The following NIPBL variants were observed in gnomAD, a reference collection of about 807,000 sequenced individuals.
NIPBL encodes the protein nipped-B-like protein.
A neutral mutation model predicts 321.8 loss-of-function variants in NIPBL; 19 were observed. That is an observed-to-expected ratio of 0.06 (90% CI 0.04 to 0.09). The LOEUF (loss-of-function observed/expected upper bound fraction) is 0.09. Ranked by LOEUF, NIPBL falls within the 10% of genes least tolerant of loss-of-function variation. The pLI is 1.00. For missense variants in NIPBL, 2,210 were observed against 3,327.0 expected, an observed-to-expected ratio of 0.66 and a Z score of 8.26; for synonymous variants, 1,106 against 1,114.1, an observed-to-expected ratio of 0.99 and a Z score of 0.14.
At chr5:36,924,125 A>G (rs534616850) in intron 1 of NIPBL, among the ~76,000 whole-genome samples, 123 of 152,324 alleles carry the variant, frequency 8.1e-4, no homozygotes, top group Middle Eastern at 3.4e-3. Context: ...ATAGAACTCA[A>G]TGAATATAGC....
At chr5:37,030,194 G>C (rs1750814474) in intron 32 of NIPBL, among the ~76,000 whole-genome samples, 1 of 152,088 alleles carries the variant, frequency 6.6e-6, no homozygotes, top group Non-Finnish European at 1.5e-5. Flanking sequence ...TACATTCTTT[G>C]TATCTTTATT....
intron 1 of NIPBL, among the ~76,000 whole-genome samples, chr5:36,891,623 C>T (rs1276480178): frequency 6.6e-6 from 1 of 152,126 alleles, no homozygotes; most frequent in African/African-American, 2.4e-5. Flanking sequence ...AGGTCTGAAG[C>T]TACAGAGAGG....
intron 34 of NIPBL, among the ~76,000 whole-genome samples, chr5:37,040,260 A>G (rs533892859): frequency 6.6e-6 from 1 of 152,296 alleles, no homozygotes; most frequent in African/African-American, 2.4e-5. Flanking sequence ...TATGTACACA[A>G]ATATAAAGTT....
chr5:37,046,367 T>C (rs1473218467), intron 38 of NIPBL, among the ~76,000 whole-genome samples, 168 bp downstream of exon 38: 1 of 152,242 alleles, frequency 6.6e-6, no homozygotes, highest in African/African-American at 2.4e-5. Context: ...TGCATTCTTG[T>C]CATGGCCATT....
chr5:36,947,197 T>C (rs1244784073), intron 1 of NIPBL, among the ~76,000 whole-genome samples: 2 of 152,116 alleles, frequency 1.3e-5, no homozygotes, highest in East Asian at 3.8e-4. Flanking sequence ...GTAACTGTTA[T>C]CAACCCTCAA....
In NIPBL at chr5:36,883,000, A is replaced by G. The variant is rs560504389; in HGVS notation, c.-80+5822A>G. On this transcript the variant is annotated intron_variant, in intron 1 of 46. Coordinates refer to ENST00000282516, the MANE Select transcript of NIPBL (RefSeq NM_133433.4). The stretch of plus-strand genomic sequence containing the variant: ...TTTAAATGCAGGTACTGTGGAATAT[A>G]TTAAATGTAGGTATCTGTGGAATAA... Among the ~76,000 whole-genome samples the G allele has an allele frequency of 3.0e-4, 46 of 152,036 alleles. 1 individual carries two copies. The South Asian group carries it at 9.5e-3, about 32-fold the overall frequency.
chr5:37,062,574 T>C (rs1754849210), intron 45 of NIPBL, among the ~76,000 whole-genome samples: 1 of 151,536 alleles, frequency 6.6e-6, no homozygotes, highest in Non-Finnish European at 1.5e-5. Context: ...GCTCTGGAAA[T>C]GGACAGTGGT....
rs745426441 is a variant in NIPBL, at chr5:36,985,968, A to G, written c.2788A>G (p.Thr930Ala). The G allele has an allele frequency of 6.2e-7, 1 of 1,613,986 alleles. No individual in the cohort carries two copies. Among genetic ancestry groups the G allele is most frequent in the South Asian group, 1.1e-5 (1 of 91,082 alleles). Residue 930 changes from threonine (T) to alanine (A), a missense_variant, in exon 10 of 47, where the codon ACT becomes GCT. Thr to Ala is a moderately conservative substitution (Grantham distance 58, BLOSUM62 0). This residue lies in a region of NIPBL where 588 missense variants were observed against 564.1 expected (regional missense o/e 1.04). Coordinates refer to ENST00000282516, the MANE Select transcript of NIPBL (RefSeq NM_133433.4). ...RTEGNKSKVD[T>A]NKAHPDNKAE... ...AGAGGGTAACAAGAGTAAAGTAGAC[A>G]CTAATAAAGCACACCCTGACAATAA...
chr5:36,940,379 A>G (rs1241162177), intron 1 of NIPBL, among the ~76,000 whole-genome samples: 2 of 152,150 alleles, frequency 1.3e-5, no homozygotes, highest in African/African-American at 4.8e-5. Context: ...CTTGTCTGTC[A>G]GGTCAGGAAT....
chr5:36,948,840 G>C (rs780972234), intron 1 of NIPBL, among the ~76,000 whole-genome samples: 112 of 151,792 alleles, frequency 7.4e-4, no homozygotes, highest in Non-Finnish European at 1.1e-3. Flanking sequence ...ATAAAGTAAG[G>C]ATCCTAACTC....
In NIPBL at chr5:37,017,065, C is replaced by T; in HGVS notation, c.4823C>T (p.Ala1608Val). 1 of 1,611,936 alleles carries T rather than the reference C, an allele frequency of 6.2e-7. No individual in the cohort carries two copies. The highest frequency in any genetic ancestry group is 8.5e-7 in the Non-Finnish European group (1 of 1,178,698). ...TCAACAGAGATGGCTTTAAGAGTGG[C>T]ATCTCTTGATTACCTTGGAACTGTT... ...NKSTEMALRV[A>V]SLDYLGTVAA... is the part of the protein sequence containing the mutation. The change falls in exon 24 of 47, where the codon GCA becomes GTA. Residue 1608 changes from alanine to valine, a missense_variant. Around this residue, in one of 14 missense-constraint regions of NIPBL, gnomAD observed 28 missense variants for 91.3 expected, o/e 0.31. Transcript: ENST00000282516.
At chr5:37,064,206 T>G (rs1335835087) in intron 46 of NIPBL, 1 of 1,400,126 alleles carries the variant, frequency 7.1e-7, no homozygotes, top group Non-Finnish European at 9.3e-7. Flanking sequence ...GCATAAAGGG[T>G]TAATTTTTCT....
chr5:36,940,946 A>G (rs1738998802), intron 1 of NIPBL, among the ~76,000 whole-genome samples: 1 of 152,086 alleles, frequency 6.6e-6, no homozygotes, highest in Non-Finnish European at 1.5e-5. Flanking sequence ...ATTATTCATC[A>G]CCCCTACTGG....
chr5:36,971,013 A>G lies in NIPBL; in HGVS notation c.748A>G (p.Met250Val), dbSNP rs746374055. ...TGGTTCAAGTGAGGACTACCTACAC[A>G]TGGTGCACAGGCTAAGTAGTGACGT... ...RHGSSEDYLH[M>V]VHRLSSDDGD... Residue 250 changes from methionine (M) to valine (V), a missense_variant, in exon 7 of 47, where the codon ATG becomes GTG. Coordinates refer to ENST00000282516, the MANE Select transcript of NIPBL (RefSeq NM_133433.4). 1.9e-6 allele frequency: 3 copies of G among 1,613,476 alleles called. No homozygotes were observed. The highest frequency in any genetic ancestry group is 3.3e-5 in the Admixed American group (2 of 60,024).
chr5:37,063,344 A>G (rs1300361285), intron 45 of NIPBL, among the ~76,000 whole-genome samples: 2 of 152,228 alleles, frequency 1.3e-5, no homozygotes, highest in East Asian at 3.8e-4. Flanking sequence ...AAAATTTTTC[A>G]ACATTCTTTG....
In NIPBL at chr5:36,984,800, G is replaced by T; in HGVS notation, c.1620G>T (p.Met540Ile). 1 of 1,613,854 alleles carries T rather than the reference G, an allele frequency of 6.2e-7. No individual in the cohort carries two copies. The highest frequency in any genetic ancestry group is 8.5e-7 in the Non-Finnish European group (1 of 1,179,840). The change falls in exon 10 of 47, where the codon ATG becomes ATT. Residue 540 changes from methionine to isoleucine, a missense_variant. Met to Ile is a conservative substitution (Grantham distance 10). Transcript: ENST00000282516. ...GAAATGGGTCAAGGCCAGCATTAAT[G>T]GTTAGCATTGATCTTCATCAGGCAG... ...STGNGSRPALMVSIDLHQAGR... is the reference protein window; with the variant it reads ...STGNGSRPALIVSIDLHQAGR...
intron 32 of NIPBL, among the ~76,000 whole-genome samples, chr5:37,030,581 A>G (rs1750883479): frequency 6.6e-6 from 1 of 152,054 alleles, no homozygotes; most frequent in Non-Finnish European, 1.5e-5. Flanking sequence ...AGATATTTCT[A>G]ATTTTTATTT....
chr5:37,024,837 T>A, intron 30 of NIPBL, 118 bp downstream of exon 30: 1 of 768,856 alleles, frequency 1.3e-6, no homozygotes, highest in Non-Finnish European at 2.0e-6. Context: ...TCGTTTATAG[T>A]TTATAAACTT....
At chr5:36,969,258 TAAA>T (rs1418867732) in intron 6 of NIPBL, among the ~76,000 whole-genome samples, 1 of 152,206 alleles carries the variant, frequency 6.6e-6, no homozygotes, top group Non-Finnish European at 1.5e-5. Context: ...ATAACACTGA[TAAA>T]AAATCTCAAG....
Sources: allele counts gnomAD v4.1 joint callset (sites outside exome capture counted in the v4.1 genomes callset), GRCh38; gene constraint gnomAD v4.1.1; regional missense constraint gnomAD v4.1.1; transcripts MANE v1.5; gene names NCBI Gene and HGNC (gene_info 2026-07-23, HGNC 2026-07-21).